The following CKAP5 variants were observed in gnomAD, a reference collection of about 807,000 sequenced individuals.
CKAP5 encodes cytoskeleton associated protein 5.
Under a neutral mutation model 232.8 loss-of-function variants are expected in CKAP5, and 27 were observed. The ratio of observed to expected loss-of-function variants is 0.12; its 90% confidence interval spans 0.09 to 0.16. CKAP5 has a LOEUF of 0.16. Among genes scored for constraint, CKAP5 ranks in the 10% least tolerant of loss-of-function variants. CKAP5 has a pLI of 1.00. For missense variants in CKAP5, 1,838 were observed against 2,424.7 expected (o/e 0.76, Z 5.08); for synonymous variants, 785 against 841.1 (o/e 0.93, Z 1.16).
intron 26 of CKAP5, among the ~76,000 whole-genome samples, chr11:46,768,592 T>A (rs865797795): frequency 6.5e-4 from 96 of 148,084 alleles, no homozygotes; most frequent in African/African-American, 2.1e-3. Flanking sequence ...ACAGGTAAAA[T>A]TTTTTTTTTT....
rs1445455356 is a variant in CKAP5, at chr11:46,801,192, T to C, written c.1083+8A>G. On this transcript the variant is annotated splice_region_variant and intron_variant, in intron 9 of 43. Transcript: ENST00000529230. ...GTTGATCTGTATCTAAAAAGGAGTG[T>C]TACTTACATGTCCTGCATATTGTCC... is the stretch of plus-strand genomic sequence containing the variant. 1 of 1,597,540 alleles carries C rather than the reference T, an allele frequency of 6.3e-7. No individual in the cohort carries two copies. The highest frequency in any genetic ancestry group is 1.1e-5 in the South Asian group (1 of 90,712).
rs2134556155 is a variant in CKAP5 at position 46,743,886 on chromosome 11, T to C, written c.*137A>G. The C allele has an allele frequency of 9.5e-7, 1 of 1,057,060 alleles. No individual in the cohort carries two copies. Among genetic ancestry groups the C allele is most frequent in the Non-Finnish European group, 1.4e-6 (1 of 719,338 alleles). 65.5% of individuals were successfully genotyped at this position (1,057,060 alleles called of 1,614,324 possible). A position where few individuals can be genotyped will look rare whatever the true frequency, so the allele number is the denominator to read the frequency against. On this transcript the variant is annotated 3_prime_UTR_variant, in exon 44 of 44. Transcript: ENST00000529230. ...GTATGTACAAATACTTGTGCCACAA[T>C]GACTCCTCCCCCTAGCTCCACGGCA...
At position 46,770,013 on chromosome 11, in the gene CKAP5, G is replaced by A. The variant is rs778342886; in HGVS notation, c.3272C>T (p.Thr1091Ile). The change falls in exon 26 of 44, where the codon ACT becomes ATT. Residue 1091 changes from threonine (T) to isoleucine (I), a missense_variant. Physicochemically the swap from Thr to Ile is moderately conservative, Grantham distance 89. Around this residue, in one of 6 missense-constraint regions of CKAP5, gnomAD observed 767 missense variants for 954.6 expected, o/e 0.80. Coordinates refer to ENST00000529230, the MANE Select transcript of CKAP5 (RefSeq NM_001008938.4). ...PAKPAPPTKA[T>I]SKPMGGSAPA... is the part of the protein sequence containing the mutation. ...AGCGGACCCTCCCATTGGTTTAGAAGTTGCTTTAGTGGGTGGAGCAGGCTT... is the reference window on the plus strand; with the variant it reads ...AGCGGACCCTCCCATTGGTTTAGAAATTGCTTTAGTGGGTGGAGCAGGCTT... 21 of 1,614,156 alleles carry A rather than the reference G, an allele frequency of 1.3e-5. No homozygotes were observed. In the South Asian group the frequency reaches 2.2e-4, roughly 17 times the overall value.
At chr11:46,761,338 T>A (rs1473049158) in intron 32 of CKAP5, among the ~76,000 whole-genome samples, 1 of 152,126 alleles carries the variant, frequency 6.6e-6, no homozygotes, top group Non-Finnish European at 1.5e-5. Flanking sequence ...AGCTTCCTCA[T>A]TTTTTGTTTT....
intron 1 of CKAP5, among the ~76,000 whole-genome samples, chr11:46,825,899 T>C (rs4752939): frequency 0.97 from 148,379 of 152,254 alleles, 72,413 homozygotes; most frequent in Middle Eastern, 1. Context: ...ATTTTTATTA[T>C]TTAACCAAAA....
chr11:46,765,955 T>C (rs578117037), intron 27 of CKAP5, among the ~76,000 whole-genome samples: 9 of 152,180 alleles, frequency 5.9e-5, no homozygotes, highest in South Asian at 4.1e-4. Flanking sequence ...GTATCTCTTA[T>C]CATAACAGTG....
intron 32 of CKAP5, 128 bp downstream of exon 32, chr11:46,761,872 T>C (rs1429994488): frequency 4.5e-6 from 3 of 660,458 alleles, no homozygotes; most frequent in South Asian, 2.0e-5. Flanking sequence ...CTAGGACACA[T>C]TGATAGGTTG....
rs1939406538 is a variant in CKAP5, at chr11:46,816,533, T to C, written c.252-129A>G. 3 of 663,994 alleles carry C rather than the reference T, an allele frequency of 4.5e-6. No homozygotes were observed. The East Asian group carries it at 8.1e-5, about 18-fold the overall frequency. 41.1% of individuals were successfully genotyped at this position (663,994 alleles called of 1,614,324 possible). ...AGTAAATGAGTCTTTAATTTTTAAA[T>C]TTATGTTCAAGAATATTTTAAAAAC... On this transcript the variant is annotated intron_variant, in intron 3 of 43. Coordinates refer to ENST00000529230, the MANE Select transcript of CKAP5 (RefSeq NM_001008938.4).
chr11:46,770,777 A>G lies in CKAP5; in HGVS notation c.3186+11T>C. On this transcript the variant is annotated intron_variant, in intron 25 of 43. Transcript: ENST00000529230. ...GCTTTTAACAGCAGTAGCAGCAACA[A>G]GAAGTAGTACCTTTAGTTTCCCAGT... is the stretch of plus-strand genomic sequence containing the variant. 1 of 1,610,442 alleles carries G rather than the reference A, an allele frequency of 6.2e-7. No individual in the cohort carries two copies. Among genetic ancestry groups the G allele is most frequent in the Non-Finnish European group, 8.5e-7 (1 of 1,177,924 alleles).
chr11:46,762,227 A>G, intron 31 of CKAP5, 34 bp from the exon 32 acceptor site: 2 of 1,594,864 alleles, frequency 1.3e-6, no homozygotes, highest in South Asian at 1.1e-5. Flanking sequence ...TAATGAGACA[A>G]CACATATTTG....
chr11:46,752,185 T>TATATATAC (rs2065070607), intron 38 of CKAP5, among the ~76,000 whole-genome samples: 1 of 68,508 alleles, frequency 1.5e-5, no homozygotes, highest in African/African-American at 4.2e-5. Flanking sequence ...TATATATATA[T>TATATATAC]ATATATATAC....
rs1355039455 is a variant in CKAP5, at chr11:46,760,640, G to A, written c.4366C>T (p.Pro1456Ser). 3.1e-6 allele frequency: 5 copies of A among 1,614,040 alleles called. No homozygotes were observed. The highest frequency in any genetic ancestry group is 1.7e-5 in the Admixed American group (1 of 60,000). ...AGTTTGGAAGACATGTCCTCAGCTG[G>A]TCCCTTGCGTAACATGTTGGCATTG... Reference protein sequence around the residue: ...SSNANMLRKGPAEDMSSKLNQ... With the variant: ...SSNANMLRKGSAEDMSSKLNQ... Residue 1456 changes from proline (P) to serine (S), a missense_variant, in exon 33 of 44, where the codon CCA becomes TCA. Physicochemically the swap from Pro to Ser is moderately conservative, Grantham distance 74. Transcript: ENST00000529230.
rs754016809 is a variant in CKAP5, at chr11:46,802,555, CAG to C, written c.979-1253_979-1252del. On this transcript the variant is annotated intron_variant, in intron 8 of 43. Transcript: ENST00000529230. Reference sequence around the variant, plus strand: ...CAAGACAGACAGACAGACAGACAGACAGACACACACACACACACACACACACA... The same window carrying C: ...CAAGACAGACAGACAGACAGACAGACACACACACACACACACACACACACA... Among the ~76,000 whole-genome samples the C allele has an allele frequency of 3.7e-3, 474 of 129,428 alleles. 1 individual carries two copies. The highest frequency in any genetic ancestry group is 8.1e-3 in the East Asian group (41 of 5,054). 84.9% of individuals were successfully genotyped at this position (129,428 alleles called of 152,430 possible). A position where few individuals can be genotyped will look rare whatever the true frequency, so the allele number is the denominator to read the frequency against.
At chr11:46,790,006 T>A in intron 15 of CKAP5, 70 bp downstream of exon 15, 1 of 990,678 alleles carries the variant, frequency 1.0e-6, no homozygotes, top group Non-Finnish European at 1.6e-6. Flanking sequence ...GACAAATCCT[T>A]CATTCATCAA....
intron 4 of CKAP5, among the ~76,000 whole-genome samples, chr11:46,813,888 A>C (rs1224403297): frequency 6.6e-6 from 1 of 152,040 alleles, no homozygotes; most frequent in African/African-American, 2.4e-5. Context: ...TAATCCCAGC[A>C]CTTTGGGAGG....
chr11:46,830,004 GT>G (rs1939744018), intron 1 of CKAP5, among the ~76,000 whole-genome samples: 2 of 152,096 alleles, frequency 1.3e-5, no homozygotes, highest in African/African-American at 4.8e-5. Context: ...CTTTGCAGAT[GT>G]GATTAAATTA....
chr11:46,762,332 C>A, intron 31 of CKAP5, 139 bp from the exon 32 acceptor site: 1 of 981,026 alleles, frequency 1.0e-6, no homozygotes, highest in Non-Finnish European at 1.6e-6. Flanking sequence ...TTGTTTACTG[C>A]CTTTTATCAG....
At chr11:46,783,900 T>C (rs992232882) in intron 17 of CKAP5, among the ~76,000 whole-genome samples, 1 of 151,508 alleles carries the variant, frequency 6.6e-6, no homozygotes, top group African/African-American at 2.4e-5. Flanking sequence ...GAGACGGGAT[T>C]TCACCATGTT....
chr11:46,829,458 T>C (rs1399286895), intron 1 of CKAP5, among the ~76,000 whole-genome samples: 2 of 152,148 alleles, frequency 1.3e-5, no homozygotes, highest in African/African-American at 2.4e-5. Context: ...GGTAGAAGGA[T>C]TGCCTGAGCC....
Sources: allele counts gnomAD v4.1 joint callset (sites outside exome capture counted in the v4.1 genomes callset), GRCh38; gene constraint gnomAD v4.1.1; regional missense constraint gnomAD v4.1.1; transcripts MANE v1.5; gene names NCBI Gene and HGNC (gene_info 2026-07-23, HGNC 2026-07-21).